The following SPATS2 variants were observed in gnomAD, a reference collection of about 807,000 sequenced individuals.
SPATS2 encodes the protein spermatogenesis-associated serine-rich protein 2.
In SPATS2, 38 loss-of-function variants were observed where a neutral mutation model predicts 63.7. That is an observed-to-expected ratio of 0.60 (90% CI 0.46 to 0.78). The LOEUF is 0.78. SPATS2 is among the 30% of genes least tolerant of loss of function. SPATS2 has a pLI of 0.00. For missense variants in SPATS2, 588 were observed against 666.2 expected (o/e 0.88, Z 1.29); for synonymous variants, 207 against 232.9 (o/e 0.89, Z 1.01).
intron 9 of SPATS2, among the ~76,000 whole-genome samples, chr12:49,511,206 A>G (rs913096047): frequency 6.6e-6 from 1 of 152,202 alleles, no homozygotes; most frequent in Non-Finnish European, 1.5e-5. Context: ...AGAAAAAAAA[A>G]AAACACATCT....
chr12:49,372,837 G>T (rs1376914952), intron 2 of SPATS2, among the ~76,000 whole-genome samples: 1 of 151,948 alleles, frequency 6.6e-6, no homozygotes, highest in Non-Finnish European at 1.5e-5. Flanking sequence ...CTCCCTCCTT[G>T]TACAGTATGC....
At chr12:49,373,711 G>A (rs1200735099) in intron 2 of SPATS2, among the ~76,000 whole-genome samples, 2 of 152,138 alleles carry the variant, frequency 1.3e-5, no homozygotes, top group African/African-American at 4.8e-5. Flanking sequence ...CGGATCATCA[G>A]GTCAGGAGTT....
intron 7 of SPATS2, among the ~76,000 whole-genome samples, chr12:49,496,589 A>G (rs1350279700): frequency 6.6e-6 from 1 of 152,314 alleles, no homozygotes; most frequent in Middle Eastern, 3.4e-3. Flanking sequence ...CTCCCTATCT[A>G]AAGATGTGTT....
chr12:49,402,666 C>T (rs921545738), intron 2 of SPATS2, among the ~76,000 whole-genome samples: 3 of 151,954 alleles, frequency 2.0e-5, no homozygotes, highest in Non-Finnish European at 2.9e-5. Flanking sequence ...GAACCAGGAA[C>T]TAAAGTCTTC....
At chr12:49,388,118 T>C (rs1442092517) in intron 2 of SPATS2, among the ~76,000 whole-genome samples, 3 of 152,102 alleles carry the variant, frequency 2.0e-5, no homozygotes, top group Non-Finnish European at 4.4e-5. Context: ...GTTACTAATA[T>C]TAATGAATGA....
rs1317851295 is a variant in SPATS2, at chr12:49,503,661, GAAAA to G, written c.839+3459_839+3462del. On this transcript the variant is annotated intron_variant, in intron 9 of 13. Coordinates refer to ENST00000552918, the MANE Select transcript of SPATS2 (RefSeq NM_023071.4). ...AAGACTCCATCTCAAAAAAAAAAAA[GAAAA>G]AAGAAAGAGCTAAGTGTAGTAGGTC... is the stretch of plus-strand genomic sequence containing the variant. Among the ~76,000 whole-genome samples, 8 of 145,570 alleles carry G rather than the reference GAAAA, an allele frequency of 5.5e-5. No homozygotes were observed. The South Asian group carries it at 1.5e-3, about 27-fold the overall frequency.
At position 49,500,188 on chromosome 12, in the gene SPATS2, T is replaced by G; in HGVS notation, c.822T>G (p.Phe274Leu). 6.2e-7 allele frequency: 1 copy of G among 1,602,250 alleles called. No homozygotes were observed. Among genetic ancestry groups the G allele is most frequent in the Non-Finnish European group, 8.5e-7 (1 of 1,176,816 alleles). Residue 274 changes from phenylalanine to leucine, a missense_variant, in exon 9 of 14, where the codon TTT becomes TTG. By Grantham distance (22) the Phe-to-Leu change is conservative. Transcript: ENST00000552918. ...DASIKKMKQA[F>L]AELESCLMDR... ...CCATTAAGAAAATGAAACAAGCCTT[T>G]GCTGAATTGGAGAGCTGGTAATTTA... is the stretch of plus-strand genomic sequence containing the variant.
chr12:49,390,200 C>T (rs1434994157), intron 2 of SPATS2: 8 of 1,247,988 alleles, frequency 6.4e-6, no homozygotes, highest in African/African-American at 4.5e-5. Context: ...TTACATGGCT[C>T]CCAGTGGTCA....
Position 49,388,229 on chromosome 12 carries a change from C to T in SPATS2, c.-244+16939C>T, listed in dbSNP as rs112122766. On this transcript the variant is annotated intron_variant, in intron 2 of 13. Coordinates refer to ENST00000552918, the MANE Select transcript of SPATS2 (RefSeq NM_023071.4). ...GCTTACTTTGCTTTAAGTGTTTCTTCGTAAGCTGTACATAGTTGTATTTCA... is the reference window on the plus strand; with the variant it reads ...GCTTACTTTGCTTTAAGTGTTTCTTTGTAAGCTGTACATAGTTGTATTTCA... Among the ~76,000 whole-genome samples the T allele has an allele frequency of 2.5e-3, 386 of 152,154 alleles. 2 individuals carry two copies. The highest frequency in any genetic ancestry group is 8.7e-3 in the African/African-American group (363 of 41,532).
At chr12:49,457,027 T>G (rs1945731438) in intron 2 of SPATS2, among the ~76,000 whole-genome samples, 1 of 152,148 alleles carries the variant, frequency 6.6e-6, no homozygotes, top group Non-Finnish European at 1.5e-5. Context: ...ATAATTTTTT[T>G]CCAGTTTTTC....
intron 3 of SPATS2, among the ~76,000 whole-genome samples, chr12:49,466,978 G>T (rs1429120900): frequency 1.3e-5 from 2 of 148,458 alleles, no homozygotes; most frequent in East Asian, 3.9e-4. Context: ...CTCAGCAATG[G>T]TTTACAGATT....
At chr12:49,400,496 G>A (rs1322695977) in intron 2 of SPATS2, among the ~76,000 whole-genome samples, 1 of 152,180 alleles carries the variant, frequency 6.6e-6, no homozygotes, top group African/African-American at 2.4e-5. Flanking sequence ...AAATATTGCT[G>A]ATGCAGGAGG....
At chr12:49,393,468 T>C (rs1438485265) in intron 2 of SPATS2, among the ~76,000 whole-genome samples, 2 of 152,200 alleles carry the variant, frequency 1.3e-5, no homozygotes, top group South Asian at 2.1e-4. Flanking sequence ...TTTTCCTTCA[T>C]TGACTTTTTT....
chr12:49,525,590 TA>T (rs1947018545), intron 13 of SPATS2, among the ~76,000 whole-genome samples: 1 of 152,226 alleles, frequency 6.6e-6, no homozygotes, highest in Admixed American at 6.5e-5. Context: ...GTATTATCTT[TA>T]CCAATGGCCT....
At chr12:49,399,881 C>CA (rs1944575191) in intron 2 of SPATS2, among the ~76,000 whole-genome samples, 1 of 151,926 alleles carries the variant, frequency 6.6e-6, no homozygotes, top group Non-Finnish European at 1.5e-5. Flanking sequence ...ACTAAAAATA[C>CA]AAAAAATTAG....
chr12:49,385,032 C>T (rs888945411), intron 2 of SPATS2, among the ~76,000 whole-genome samples: 1 of 152,024 alleles, frequency 6.6e-6, no homozygotes, highest in African/African-American at 2.4e-5. Context: ...TGGTCTGGAA[C>T]TCCCAACCTC....
At chr12:49,467,308 C>T (rs1945940104) in intron 3 of SPATS2, among the ~76,000 whole-genome samples, 1 of 151,616 alleles carries the variant, frequency 6.6e-6, no homozygotes, top group Non-Finnish European at 1.5e-5. Flanking sequence ...GTGATCCGCC[C>T]ACCTTGGCCT....
rs11169007 is a variant in SPATS2, at chr12:49,419,778, C to T, written c.-243-40992C>T. On this transcript the variant is annotated intron_variant, in intron 2 of 13. Transcript: ENST00000552918. ...AAGACAGCTATTATTTTGAAAGCAG[C>T]ATATATATTTAACATTCTTATGATT... Among the ~76,000 whole-genome samples, 181 of 152,226 alleles carry T rather than the reference C, an allele frequency of 1.2e-3. 2 individuals carry two copies. The East Asian group carries it at 0.033, about 28-fold the overall frequency.
intron 2 of SPATS2, among the ~76,000 whole-genome samples, chr12:49,394,033 C>T (rs1396718103): frequency 6.6e-6 from 1 of 152,098 alleles, no homozygotes; most frequent in African/African-American, 2.4e-5. Flanking sequence ...AGGACTTTTG[C>T]ATTTTCATAT....
Sources: gnomAD v4.1 joint callset for allele counts (sites outside exome capture counted in the v4.1 genomes callset) on GRCh38, gnomAD v4.1.1 for gene constraint, MANE v1.5 for transcripts, NCBI Gene and HGNC (gene_info 2026-07-23, HGNC 2026-07-21) for gene names.